PLB1: variants seen among roughly 807,000 people sequenced by gnomAD.
PLB1 encodes the protein phospholipase B1, membrane-associated.
A neutral mutation model predicts 227.4 loss-of-function variants in PLB1; 242 were observed. The ratio of observed to expected loss-of-function variants is 1.06; its 90% CI spans 0.96 to 1.18. The LOEUF is 1.18. Among genes scored for constraint, PLB1 ranks in the 50% most tolerant of loss-of-function variants. The pLI, the probability that PLB1 is intolerant of heterozygous loss-of-function variation, is 0.00. For synonymous variants in PLB1, 757 were observed against 682.2 expected (o/e 1.11, Z -1.71); for missense variants, 1,858 against 1,816.3 (o/e 1.02, Z -0.42).
At position 28,565,136 on chromosome 2, in the gene PLB1, A is replaced by G. The variant is rs555720157; in HGVS notation, c.1207-144A>G. ...CTCTGAAAAGGCAGGATACATATGG[A>G]GACATGGTGCCATCTAGACCCTAGA... On this transcript the variant is annotated intron_variant, in intron 18 of 57. Transcript: ENST00000327757. 2.4e-4 allele frequency: 155 copies of G among 636,450 alleles called. 2 individuals carry two copies. The Admixed American group carries it at 3.8e-3, about 15-fold the overall frequency. The allele number at this position is 636,450 out of a possible 1,614,324, so 39.4% of individuals were successfully genotyped here. A position where few individuals can be genotyped will look rare whatever the true frequency, so the allele number is the denominator to read the frequency against.
At chr2:28,619,960 A>G (rs1372060332) in intron 46 of PLB1, among the ~76,000 whole-genome samples, 1 of 152,098 alleles carries the variant, frequency 6.6e-6, no homozygotes, top group Non-Finnish European at 1.5e-5. Flanking sequence ...AGGCCAGCGT[A>G]TTGCCCGTGG....
At chr2:28,617,643 C>G in intron 44 of PLB1, 84 bp from the exon 45 acceptor site, 1 of 1,349,100 alleles carries the variant, frequency 7.4e-7, no homozygotes, top group Non-Finnish European at 1.1e-6. Context: ...CATCAAAAAT[C>G]CCTTAGCTGG....
At chr2:28,554,216 C>T (rs1283021141) in intron 17 of PLB1, among the ~76,000 whole-genome samples, 1 of 152,018 alleles carries the variant, frequency 6.6e-6, no homozygotes, top group East Asian at 1.9e-4. Flanking sequence ...TGTAGACCCT[C>T]CTATAATAAA....
At chr2:28,642,235 A>C (rs34780912) in intron 57 of PLB1, among the ~76,000 whole-genome samples, 61,221 of 151,880 alleles carry the variant, frequency 0.4, 12,511 homozygotes, top group African/African-American at 0.48. Flanking sequence ...GCACATCTCA[A>C]CTTCCTCCTG....
intron 8 of PLB1, among the ~76,000 whole-genome samples, chr2:28,530,298 C>G (rs897416243): frequency 2.0e-5 from 3 of 152,166 alleles, no homozygotes; most frequent in African/African-American, 7.2e-5. Flanking sequence ...ATCTTGAATT[C>G]TCCATCTATT....
chr2:28,515,119 A>G (rs945555719), intron 1 of PLB1, among the ~76,000 whole-genome samples: 5 of 152,246 alleles, frequency 3.3e-5, no homozygotes, highest in Non-Finnish European at 7.3e-5. Context: ...CCTGGCACAT[A>G]GAAGCTGTAT....
chr2:28,576,711 T>C (rs1394375112), intron 21 of PLB1, among the ~76,000 whole-genome samples: 2 of 152,114 alleles, frequency 1.3e-5, no homozygotes, highest in African/African-American at 4.8e-5. Context: ...ACCTGGGCGA[T>C]AGCACGAGAC....
At chr2:28,538,451 G>T in intron 10 of PLB1, 70 bp downstream of exon 10, 1 of 1,459,110 alleles carries the variant, frequency 6.9e-7, no homozygotes, top group Non-Finnish European at 9.4e-7. Flanking sequence ...CCTCCACCGG[G>T]GTGGGGAAAT....
intron 1 of PLB1, among the ~76,000 whole-genome samples, chr2:28,506,353 C>T (rs978565611): frequency 6.6e-6 from 1 of 152,018 alleles, no homozygotes; most frequent in Admixed American, 6.5e-5. Context: ...GTGAGTGGGA[C>T]TGAGATAAAC....
At chr2:28,627,664 C>A (rs1687992567) in intron 51 of PLB1, among the ~76,000 whole-genome samples, 1 of 152,206 alleles carries the variant, frequency 6.6e-6, no homozygotes, top group East Asian at 1.9e-4. Flanking sequence ...GCCAGAAACT[C>A]AGCGAACAGC....
intron 57 of PLB1, 87 bp from the exon 58 acceptor site, chr2:28,642,771 C>G: frequency 8.5e-7 from 1 of 1,182,470 alleles, no homozygotes; most frequent in South Asian, 1.5e-5. Flanking sequence ...ATCGCAGCAT[C>G]TCAGGAATGG....
chr2:28,585,935 C>A, intron 26 of PLB1, 93 bp downstream of exon 26: 1 of 1,191,798 alleles, frequency 8.4e-7, no homozygotes, highest in Non-Finnish European at 1.2e-6. Context: ...GTAATTTTGA[C>A]CCTGTGTGGG....
intron 56 of PLB1, among the ~76,000 whole-genome samples, chr2:28,636,200 A>T (rs888000041): frequency 3.3e-5 from 5 of 152,188 alleles, no homozygotes; most frequent in African/African-American, 1.2e-4. Flanking sequence ...CTGGGGTTAT[A>T]GGTGCATGCC....
chr2:28,550,060 G>T lies in PLB1; in HGVS notation c.1059G>T (p.Leu353=). The T allele has an allele frequency of 6.2e-7, 1 of 1,612,986 alleles. No homozygotes were observed. The highest frequency in any genetic ancestry group is 8.5e-7 in the Non-Finnish European group (1 of 1,179,214). Residue 353 remains leucine, a synonymous_variant, in exon 16 of 58, where the codon CTG becomes CTT. Transcript: ENST00000327757. ...GAAACAGCAACTACCTGACCAGACT[G>T]CAGAAACCCCAAGACAAGCTTGAGG... ...SYRNSNYLTR[L]QKPQDKLEVR...
chr2:28,632,878 G>C, intron 55 of PLB1, 66 bp from the exon 56 acceptor site: 1 of 1,190,168 alleles, frequency 8.4e-7, no homozygotes, highest in Non-Finnish European at 1.2e-6. Flanking sequence ...CCTGCTGGGA[G>C]AGTGAGTGGG....
chr2:28,627,489 G>A (rs143096836), intron 51 of PLB1, among the ~76,000 whole-genome samples: 7 of 152,300 alleles, frequency 4.6e-5, no homozygotes, highest in African/African-American at 1.4e-4. Context: ...GGGCTGCCCC[G>A]ACTAGGATTA....
At chr2:28,583,445 A>G (rs939429194) in intron 25 of PLB1, among the ~76,000 whole-genome samples, 3 of 145,554 alleles carry the variant, frequency 2.1e-5, no homozygotes, top group Middle Eastern at 3.2e-3. Flanking sequence ...CGGCCTCCCA[A>G]AGTGCTGGGA....
At chr2:28,553,015 T>C (rs200211040) in intron 17 of PLB1, 24 bp downstream of exon 17, 5 of 1,604,266 alleles carry the variant, frequency 3.1e-6, no homozygotes, top group Middle Eastern at 1.7e-4. Context: ...ACCCAGTGAT[T>C]TTAAAATTCA....
At chr2:28,566,980 A>G in intron 20 of PLB1, 141 bp downstream of exon 20, 1 of 791,836 alleles carries the variant, frequency 1.3e-6, no homozygotes, top group Non-Finnish European at 1.9e-6. Context: ...CTGCCTCCCG[A>G]GACTGCCGCC....
Sources: allele counts gnomAD v4.1 joint callset (sites outside exome capture counted in the v4.1 genomes callset), GRCh38; gene constraint gnomAD v4.1.1; transcripts MANE v1.5; gene names NCBI Gene and HGNC (gene_info 2026-07-23, HGNC 2026-07-21).